KLHL12: variants seen among roughly 807,000 people sequenced by gnomAD.
KLHL12 encodes the protein kelch like family member 12, also known as kelch-like protein 12.
In KLHL12, 17 loss-of-function variants were observed where a neutral mutation model predicts 60.8. The observed-to-expected ratio is 0.28, with a 90% CI of 0.19 to 0.42. The LOEUF is 0.42. KLHL12 is among the 10% of genes least tolerant of loss of function. KLHL12 has a pLI of 1.00. For synonymous variants in KLHL12, 220 were observed against 250.9 expected, an observed-to-expected ratio of 0.88 and a Z score of 1.16; for missense variants, 468 against 722.3, an observed-to-expected ratio of 0.65 and a Z score of 4.04.
Position 202,893,455 on chromosome 1 carries a change from A to G in KLHL12, c.1394-30T>C. Reference sequence around the variant, plus strand: ...GGAAAATGAATGCATTAGCAAATGTATGGTACTAAGCCTAGAATCTGAATT... The same window carrying G: ...GGAAAATGAATGCATTAGCAAATGTGTGGTACTAAGCCTAGAATCTGAATT... On this transcript the variant is annotated intron_variant, in intron 10 of 11. Coordinates refer to ENST00000367261, the MANE Select transcript of KLHL12 (RefSeq NM_021633.4). This position sits in a 1 kb window ranked among gnomAD's most constrained non-coding sequence, Gnocchi z 4.1. 6.4e-7 allele frequency: 1 copy of G among 1,564,054 alleles called. No individual in the cohort carries two copies. Among genetic ancestry groups the G allele is most frequent in the East Asian group, 2.2e-5 (1 of 44,586 alleles).
intron 6 of KLHL12, among the ~76,000 whole-genome samples, chr1:202,908,738 G>A (rs1009416072): frequency 7.9e-5 from 12 of 152,108 alleles, no homozygotes; most frequent in Non-Finnish European, 1.5e-4. Flanking sequence ...ACAAAAAATT[G>A]TAACATATTA....
intron 4 of KLHL12, among the ~76,000 whole-genome samples, chr1:202,914,124 A>G (rs1660449004): frequency 6.6e-6 from 1 of 152,252 alleles, no homozygotes; most frequent in Non-Finnish European, 1.5e-5. Flanking sequence ...TACAGAGAGC[A>G]TTAGAATACT....
intron 7 of KLHL12, among the ~76,000 whole-genome samples, chr1:202,896,326 C>T (rs575993100): frequency 6.3e-4 from 96 of 152,268 alleles, no homozygotes; most frequent in African/African-American, 2.2e-3. Context: ...GCTAGGACTA[C>T]AGGCATGCAC....
At chr1:202,906,799 T>C (rs1250664970) in intron 6 of KLHL12, among the ~76,000 whole-genome samples, 1 of 152,018 alleles carries the variant, frequency 6.6e-6, no homozygotes, top group East Asian at 1.9e-4. Context: ...GTAGCTGGGA[T>C]TACAGGTGTG....
intron 4 of KLHL12, chr1:202,912,293 TA>T: frequency 1.2e-6 from 1 of 855,426 alleles, no homozygotes; most frequent in Admixed American, 1.7e-5. Context: ...ACTCTGTGAA[TA>T]AGACTGCCAT....
intron 4 of KLHL12, among the ~76,000 whole-genome samples, chr1:202,913,957 G>C (rs114982865): frequency 0.012 from 1,899 of 152,286 alleles, 37 homozygotes; most frequent in African/African-American, 0.044. Flanking sequence ...TAGATATAGA[G>C]TACTTCCATC....
intron 11 of KLHL12, 57 bp from the exon 12 acceptor site, chr1:202,892,716 C>A: frequency 6.3e-7 from 1 of 1,583,764 alleles, no homozygotes; most frequent in South Asian, 1.1e-5. Context: ...GTGGCACGTG[C>A]CTGTAATCCC....
At chr1:202,927,519 C>CAAAATAA (rs1653649077), upstream of KLHL12, among the ~76,000 whole-genome samples, 1 of 52,814 alleles carries the variant, frequency 1.9e-5, no homozygotes, top group Non-Finnish European at 3.3e-5. Context: ...CCCGTTTCTA[C>CAAAATAA]AAAAAAAAAA....
chr1:202,918,939 A>G (rs1660604231), intron 3 of KLHL12, among the ~76,000 whole-genome samples: 1 of 152,214 alleles, frequency 6.6e-6, no homozygotes, highest in Non-Finnish European at 1.5e-5. Flanking sequence ...AACTGAAAAC[A>G]TAACTGAATG....
At chr1:202,917,915 C>T (rs1660571369) in intron 4 of KLHL12, among the ~76,000 whole-genome samples, 1 of 152,204 alleles carries the variant, frequency 6.6e-6, no homozygotes. Flanking sequence ...ACCTACTTTA[C>T]TTCCAATTTC....
At chr1:202,894,025 A>C (rs538391264) in intron 10 of KLHL12, among the ~76,000 whole-genome samples, 159 bp downstream of exon 10, 6 of 152,248 alleles carry the variant, frequency 3.9e-5, no homozygotes, top group African/African-American at 1.4e-4. Context: ...AGTTGTAAGT[A>C]TCAACTGTCT....
chr1:202,911,659 T>A (rs1328860419), intron 4 of KLHL12, among the ~76,000 whole-genome samples: 2 of 152,124 alleles, frequency 1.3e-5, no homozygotes, highest in Non-Finnish European at 2.9e-5. Flanking sequence ...TATCTAATGA[T>A]CTCCAGGCTC....
At chr1:202,898,529 A>C (rs1448871724) in intron 6 of KLHL12, among the ~76,000 whole-genome samples, 1 of 152,226 alleles carries the variant, frequency 6.6e-6, no homozygotes, top group African/African-American at 2.4e-5. Context: ...AGGAAGGACC[A>C]CACTACCACC....
intron 6 of KLHL12, among the ~76,000 whole-genome samples, chr1:202,902,707 G>T (rs1388517152): frequency 6.6e-6 from 1 of 151,962 alleles, no homozygotes; most frequent in Non-Finnish European, 1.5e-5. Flanking sequence ...AAAATTTTTT[G>T]AGCCAGGCAT....
Position 202,893,193 on chromosome 1 carries a change from T to C in KLHL12, c.1580+46A>G. 2 of 1,480,596 alleles carry C rather than the reference T, an allele frequency of 1.4e-6. No individual in the cohort carries two copies. Among genetic ancestry groups the C allele is most frequent in the Non-Finnish European group, 1.8e-6 (2 of 1,090,032 alleles). 91.7% of individuals were successfully genotyped at this position (1,480,596 alleles called of 1,614,324 possible). ...AATGAGGATCAGATCACATAGACTC[T>C]TGCTCTGGCTACATATTGAGTCTGG... is the stretch of plus-strand genomic sequence containing the variant. On this transcript the variant is annotated intron_variant, in intron 11 of 11. Transcript: ENST00000367261. This position sits in a 1 kb window ranked among gnomAD's most constrained non-coding sequence, Gnocchi z 4.1.
Position 202,892,541 on chromosome 1 carries a change from C to T in KLHL12, c.1699G>A (p.Glu567Lys), listed in dbSNP as rs1557983229. The change falls in exon 12 of 12, where the codon GAG becomes AAG. Residue 567 changes from glutamate to lysine, a missense_variant. By Grantham distance (56) the Glu-to-Lys change is moderately conservative (BLOSUM62 1). Coordinates refer to ENST00000367261, the MANE Select transcript of KLHL12 (RefSeq NM_021633.4). ...RCDAGVCVLREK is the reference protein window; with the variant it reads ...RCDAGVCVLRKK ...TGGTGCTCCAACAATGGTCACTTCT[C>T]GCGGAGAACACAAACACCAGCATCA... The T allele has an allele frequency of 5.0e-6, 8 of 1,613,636 alleles. No homozygotes were observed. Among genetic ancestry groups the T allele is most frequent in the South Asian group, 1.1e-5 (1 of 91,034 alleles).
At chr1:202,915,982 T>C (rs573423334) in intron 4 of KLHL12, among the ~76,000 whole-genome samples, 1 of 152,338 alleles carries the variant, frequency 6.6e-6, no homozygotes, top group East Asian at 1.9e-4. Flanking sequence ...CTATTATATG[T>C]AGTGAACGTC....
chr1:202,914,672 C>T (rs1660466738), intron 4 of KLHL12, among the ~76,000 whole-genome samples: 1 of 151,878 alleles, frequency 6.6e-6, no homozygotes, highest in African/African-American at 2.4e-5. Flanking sequence ...TTGAGACGAG[C>T]CTGGCCAAGA....
At chr1:202,928,597 T>C, upstream of KLHL12, 3 of 1,166,930 alleles carry the variant, frequency 2.6e-6, no homozygotes, top group Non-Finnish European at 3.5e-6. Context: ...GCGAGAATCC[T>C]CTGAGCCTTA....
Sources: gnomAD v4.1 joint callset for allele counts (sites outside exome capture counted in the v4.1 genomes callset) on GRCh38, gnomAD v4.1.1 for gene constraint, Gnocchi (gnomAD v3.1) non-coding constraint, MANE v1.5 for transcripts, NCBI Gene and HGNC (gene_info 2026-07-23, HGNC 2026-07-21) for gene names.